Variants in NDST4 observed in about 807,000 individuals in gnomAD.
The protein encoded by NDST4 is N-deacetylase and N-sulfotransferase 4.
Under a neutral mutation model 100.8 loss-of-function variants are expected in NDST4, and 63 were observed. The observed-to-expected ratio is 0.62, with a 90% CI of 0.51 to 0.77. The LOEUF is 0.77. Ranked by LOEUF, NDST4 falls within the 30% of genes least tolerant of loss-of-function variation. The pLI is 0.00. For missense variants in NDST4, 943 were observed against 1,018.4 expected (o/e 0.93, Z 1.01); for synonymous variants, 377 against 361.8 (o/e 1.04, Z -0.48).
At chr4:114,899,456 C>T (rs1285912656) in intron 6 of NDST4, among the ~76,000 whole-genome samples, 2 of 152,104 alleles carry the variant, frequency 1.3e-5, no homozygotes, top group African/African-American at 2.4e-5. Context: ...GGATTACAAG[C>T]GTGAGACACC....
chr4:115,031,799 T>C (rs979513), intron 2 of NDST4, among the ~76,000 whole-genome samples: 82,657 of 151,840 alleles, frequency 0.54, 23,966 homozygotes, highest in Non-Finnish European at 0.66. Context: ...AGAAAGGGGC[T>C]AAGAGTCTAT....
chr4:114,949,534 G>C (rs1725942949), intron 4 of NDST4, among the ~76,000 whole-genome samples: 2 of 152,014 alleles, frequency 1.3e-5, no homozygotes, highest in Non-Finnish European at 1.5e-5. Context: ...CAAAAGTGAG[G>C]CCTCAGATTC....
At chr4:115,079,751 T>C (rs1729262784) in intron 1 of NDST4, among the ~76,000 whole-genome samples, 1 of 152,154 alleles carries the variant, frequency 6.6e-6, no homozygotes, top group South Asian at 2.1e-4. Context: ...GAGTGATGAA[T>C]GCTTATTAAT....
chr4:114,942,491 A>G (rs1725771435), intron 4 of NDST4, among the ~76,000 whole-genome samples: 1 of 152,162 alleles, frequency 6.6e-6, no homozygotes, highest in African/African-American at 2.4e-5. Flanking sequence ...CATCCTACTA[A>G]CATTTCCTTA....
At chr4:114,924,304 A>G (rs542831546) in intron 6 of NDST4, among the ~76,000 whole-genome samples, 4 of 152,122 alleles carry the variant, frequency 2.6e-5, no homozygotes, top group Non-Finnish European at 5.9e-5. Context: ...GAATAATATC[A>G]TACGTTGTAA....
rs894196043 is a variant in NDST4, at chr4:114,848,311, A to T, written c.1844T>A (p.Leu615His). The change falls in exon 9 of 14, where the codon CTT becomes CAT. Residue 615 changes from leucine to histidine, a missense_variant. Transcript: ENST00000264363. ...ATTGCTGATGATTGAAGGATGCATA[A>T]GAAGAAATAAATAAAGTGCAGTTGT... Reference protein sequence around the residue: ...TGTTALYLFLLMHPSIISNLP... With the variant: ...TGTTALYLFLHMHPSIISNLP... 8 of 1,602,280 alleles carry T rather than the reference A, an allele frequency of 5.0e-6. No homozygotes were observed. The highest frequency in any genetic ancestry group is 6.8e-6 in the Non-Finnish European group (8 of 1,174,636).
rs1186559914 is a variant in NDST4 at position 114,892,625 on chromosome 4, T to G, written c.1537-21675A>C. ...CTAACTCATTAATTATTTGTGTGTG[T>G]GTGCATTGAGTTAGAAATGGGTATA... On this transcript the variant is annotated intron_variant, in intron 6 of 13. Transcript: ENST00000264363. 2.0e-5 allele frequency among the ~76,000 whole-genome samples: 3 copies of G among 152,116 alleles called. No individual in the cohort carries two copies. In the East Asian group the frequency reaches 5.8e-4, roughly 29 times the overall value.
At chr4:115,030,184 ATATAT>A (rs1728085397) in intron 2 of NDST4, among the ~76,000 whole-genome samples, 1 of 152,134 alleles carries the variant, frequency 6.6e-6, no homozygotes, top group African/African-American at 2.4e-5. Flanking sequence ...GTTTGTGAAA[ATATAT>A]TAGGTTTGTG....
At chr4:114,839,721 A>G (rs1281145145) in intron 10 of NDST4, among the ~76,000 whole-genome samples, 173 bp from the exon 11 acceptor site, 1 of 152,256 alleles carries the variant, frequency 6.6e-6, no homozygotes, top group Non-Finnish European at 1.5e-5. Flanking sequence ...GAATGAAAAT[A>G]AACTAATGAA....
At chr4:114,905,192 T>C (rs562487421) in intron 6 of NDST4, among the ~76,000 whole-genome samples, 14 of 151,750 alleles carry the variant, frequency 9.2e-5, no homozygotes, top group African/African-American at 3.4e-4. Flanking sequence ...CTCAACCTAG[T>C]TAATATACTG....
intron 6 of NDST4, among the ~76,000 whole-genome samples, chr4:114,885,496 GC>G (rs935088554): frequency 3.3e-5 from 5 of 151,994 alleles, no homozygotes; most frequent in Admixed American, 1.3e-4. Flanking sequence ...AGAATTCAAT[GC>G]TTTTTATAAT....
intron 4 of NDST4, among the ~76,000 whole-genome samples, chr4:114,966,506 A>T (rs1054072762): frequency 6.6e-6 from 1 of 152,144 alleles, no homozygotes; most frequent in African/African-American, 2.4e-5. Flanking sequence ...TGAAATATCA[A>T]TATCAAGCTA....
chr4:115,105,112 A>T (rs776722570), intron 1 of NDST4, among the ~76,000 whole-genome samples: 7 of 152,156 alleles, frequency 4.6e-5, no homozygotes, highest in Non-Finnish European at 1.0e-4. Flanking sequence ...GGTGGAAACC[A>T]AGGTTAACAC....
intron 4 of NDST4, among the ~76,000 whole-genome samples, chr4:114,948,296 G>A (rs6810460): frequency 0.024 from 3,217 of 135,988 alleles, 99 homozygotes; most frequent in African/African-American, 0.079. Flanking sequence ...CAAATACAAC[G>A]TGTTATTACA....
chr4:115,022,767 A>C (rs1044275331), intron 2 of NDST4, among the ~76,000 whole-genome samples: 1 of 152,082 alleles, frequency 6.6e-6, no homozygotes, highest in African/African-American at 2.4e-5. Flanking sequence ...TGCTGGTCTC[A>C]TGATCGTGAA....
At position 114,847,375 on chromosome 4, in the gene NDST4, C is replaced by CAAAAAAAAAAA. The variant is rs57987259; in HGVS notation, c.1940+829_1940+839dup. On this transcript the variant is annotated intron_variant, in intron 9 of 13. Transcript: ENST00000264363. Reference sequence around the variant, plus strand: ...TGGGCGACAGAGCGAGACTCCGTCTCAAAAAAAAAAAAAAAAAAAAAAAAA... The same window carrying CAAAAAAAAAAA: ...TGGGCGACAGAGCGAGACTCCGTCTCAAAAAAAAAAAAAAAAAAAAAAAAAAAAAAAAAAAA... 2.2e-4 allele frequency among the ~76,000 whole-genome samples: 4 copies of CAAAAAAAAAAA among 18,236 alleles called. 1 individual carries two copies. The highest frequency in any genetic ancestry group is 3.5e-4 in the Non-Finnish European group (4 of 11,426). 12.0% of individuals were successfully genotyped at this position (18,236 alleles called of 152,430 possible).
chr4:115,074,089 T>A (rs764616946), intron 2 of NDST4, among the ~76,000 whole-genome samples: 4 of 151,982 alleles, frequency 2.6e-5, no homozygotes, highest in Admixed American at 2.0e-4. Context: ...TCTATCCATA[T>A]GAACACATAC....
Position 115,076,460 on chromosome 4 carries a change from A to C in NDST4, c.577T>G (p.Cys193Gly). Reference sequence around the variant, plus strand: ...AAAGGAGATTGAGGGTTAACAAAACAGTCCTTTAGAGCTAGATTATTGAAA... The same window carrying C: ...AAAGGAGATTGAGGGTTAACAAAACCGTCCTTTAGAGCTAGATTATTGAAA... ...NLFNNLALKD[C>G]FVNPQSPLLH... The change falls in exon 2 of 14, where the codon TGT becomes GGT. Residue 193 changes from cysteine (C) to glycine (G), a missense_variant. Physicochemically the swap from Cys to Gly is radical, Grantham distance 159. Coordinates refer to ENST00000264363, the MANE Select transcript of NDST4 (RefSeq NM_022569.3). The C allele has an allele frequency of 1.2e-6, 2 of 1,613,978 alleles. No individual in the cohort carries two copies. Among genetic ancestry groups the C allele is most frequent in the South Asian group, 2.2e-5 (2 of 91,080 alleles).
chr4:114,961,782 C>T (rs1029821839), intron 4 of NDST4, among the ~76,000 whole-genome samples: 6 of 152,016 alleles, frequency 3.9e-5, no homozygotes, highest in African/African-American at 1.4e-4. Flanking sequence ...TTTGTGACTT[C>T]TCTTCCCTTT....
Sources: gnomAD v4.1 joint callset for allele counts (sites outside exome capture counted in the v4.1 genomes callset) on GRCh38, gnomAD v4.1.1 for gene constraint, MANE v1.5 for transcripts, NCBI Gene and HGNC (gene_info 2026-07-23, HGNC 2026-07-21) for gene names.